AFAP1L2: variants seen among roughly 807,000 people sequenced by gnomAD.
The protein encoded by AFAP1L2 is actin filament associated protein 1 like 2.
A neutral mutation model predicts 99.3 loss-of-function variants in AFAP1L2; 46 were observed. The ratio of observed to expected loss-of-function variants is 0.46; its 90% CI spans 0.37 to 0.59. The LOEUF is 0.59. AFAP1L2 is among the 20% of genes least tolerant of loss of function. The pLI is 0.00. For synonymous variants in AFAP1L2, 397 were observed against 419.1 expected (o/e 0.95, Z 0.64); for missense variants, 959 against 1,034.9 (o/e 0.93, Z 1.01).
chr10:114,382,845 T>A (rs1051763861), intron 1 of AFAP1L2, among the ~76,000 whole-genome samples: 1 of 152,172 alleles, frequency 6.6e-6, no homozygotes, highest in African/African-American at 2.4e-5. Flanking sequence ...TCCGCTCGCC[T>A]CAGCCTCCCA....
intron 1 of AFAP1L2, among the ~76,000 whole-genome samples, chr10:114,375,482 C>G (rs1309912945): frequency 1.3e-5 from 2 of 152,152 alleles, no homozygotes; most frequent in African/African-American, 2.4e-5. Context: ...AATAATAATA[C>G]TTTATTCCAA....
At chr10:114,359,094 T>TA in intron 1 of AFAP1L2, among the ~76,000 whole-genome samples, 1 of 152,214 alleles carries the variant, frequency 6.6e-6, no homozygotes, top group Middle Eastern at 3.4e-3. Flanking sequence ...AAGAAAATGG[T>TA]AAAAAGACTC....
intron 1 of AFAP1L2, among the ~76,000 whole-genome samples, chr10:114,342,898 T>C (rs760988845): frequency 2.0e-5 from 3 of 152,230 alleles, no homozygotes; most frequent in Non-Finnish European, 2.9e-5. Flanking sequence ...AGCTGCAAGC[T>C]CCAAGGACAG....
At chr10:114,300,074 T>A (rs1185870510) in intron 15 of AFAP1L2, 120 bp downstream of exon 15, 2 of 1,383,006 alleles carry the variant, frequency 1.4e-6, no homozygotes, top group South Asian at 2.7e-5. Context: ...TGTGATCGTG[T>A]GAGTCAATTC....
At chr10:114,303,790 C>T (rs955878859) in intron 11 of AFAP1L2, among the ~76,000 whole-genome samples, 1 of 152,208 alleles carries the variant, frequency 6.6e-6, no homozygotes, top group African/African-American at 2.4e-5. Context: ...TTGCCGCCCT[C>T]CCCTGAAAGC....
chr10:114,380,085 A>C (rs546123899), intron 1 of AFAP1L2, among the ~76,000 whole-genome samples: 10 of 152,170 alleles, frequency 6.6e-5, no homozygotes, highest in African/African-American at 2.2e-4. Context: ...CTTCCTTACT[A>C]TCTAGGTTCT....
intron 2 of AFAP1L2, among the ~76,000 whole-genome samples, chr10:114,335,485 C>T (rs1030373515): frequency 1.3e-5 from 2 of 150,370 alleles, no homozygotes; most frequent in Non-Finnish European, 3.0e-5. Context: ...TAGTGGTGGG[C>T]GCCTGTAGTC....
At chr10:114,312,468 T>C (rs1161824976) in intron 7 of AFAP1L2, among the ~76,000 whole-genome samples, 1 of 152,128 alleles carries the variant, frequency 6.6e-6, no homozygotes, top group Admixed American at 6.5e-5. Flanking sequence ...CCCAGAGCTC[T>C]GGGTCCTAAT....
At chr10:114,312,452 C>T (rs985959782) in intron 7 of AFAP1L2, among the ~76,000 whole-genome samples, 3 of 152,038 alleles carry the variant, frequency 2.0e-5, no homozygotes, top group African/African-American at 7.2e-5. Context: ...GGTAAGAAAC[C>T]AACAGCCCAG....
chr10:114,323,613 A>C (rs950855233), intron 4 of AFAP1L2, among the ~76,000 whole-genome samples: 3 of 152,224 alleles, frequency 2.0e-5, no homozygotes, highest in African/African-American at 7.2e-5. Context: ...TGGGATAGCT[A>C]TTGTGGCTTT....
chr10:114,397,927 A>G (rs2057882227), intron 1 of AFAP1L2, among the ~76,000 whole-genome samples: 1 of 152,160 alleles, frequency 6.6e-6, no homozygotes, highest in Admixed American at 6.5e-5. Flanking sequence ...CCTGCTTAGA[A>G]AACAGCAGAA....
intron 18 of AFAP1L2, 99 bp from the exon 19 acceptor site, chr10:114,296,167 A>T: frequency 6.5e-7 from 1 of 1,529,608 alleles, no homozygotes; most frequent in South Asian, 1.1e-5. Flanking sequence ...ATGTGAGAAA[A>T]ACTATTTTAG....
chr10:114,344,593 TG>T (rs2049243657), intron 1 of AFAP1L2, among the ~76,000 whole-genome samples: 1 of 152,190 alleles, frequency 6.6e-6, no homozygotes, highest in Admixed American at 6.5e-5. Flanking sequence ...GGCCTGGCCC[TG>T]GGGAAACAAA....
intron 5 of AFAP1L2, 37 bp from the exon 6 acceptor site, chr10:114,315,802 G>T: frequency 6.3e-7 from 1 of 1,576,730 alleles, no homozygotes; most frequent in Non-Finnish European, 8.6e-7. Flanking sequence ...GCCCCATGGG[G>T]CAGGGGACAG....
At chr10:114,366,708 C>T (rs2053313813) in intron 1 of AFAP1L2, among the ~76,000 whole-genome samples, 1 of 152,188 alleles carries the variant, frequency 6.6e-6, no homozygotes, top group Non-Finnish European at 1.5e-5. Flanking sequence ...TGGCTCACGC[C>T]TGTAATCCCA....
chr10:114,381,037 T>C (rs2055544002), intron 1 of AFAP1L2, among the ~76,000 whole-genome samples: 1 of 152,018 alleles, frequency 6.6e-6, no homozygotes, highest in Non-Finnish European at 1.5e-5. Flanking sequence ...CCAAGAAAAA[T>C]GAAAGCATAT....
At chr10:114,393,071 C>T (rs2057324289) in intron 1 of AFAP1L2, among the ~76,000 whole-genome samples, 1 of 152,148 alleles carries the variant, frequency 6.6e-6, no homozygotes, top group South Asian at 2.1e-4. Context: ...CTTAGGGCTG[C>T]AAGGAGAGGA....
chr10:114,366,542 G>A (rs2053279329), intron 1 of AFAP1L2, among the ~76,000 whole-genome samples: 1 of 152,236 alleles, frequency 6.6e-6, no homozygotes, highest in Non-Finnish European at 1.5e-5. Context: ...TAAAGAATAT[G>A]AAATGGAGCT....
At chr10:114,358,557 T>C (rs2051731177) in intron 1 of AFAP1L2, among the ~76,000 whole-genome samples, 1 of 152,158 alleles carries the variant, frequency 6.6e-6, no homozygotes, top group African/African-American at 2.4e-5. Context: ...CATTTTCTTC[T>C]TTCAATGACA....
Sources: gnomAD v4.1 joint callset for allele counts (sites outside exome capture counted in the v4.1 genomes callset) on GRCh38, gnomAD v4.1.1 for gene constraint, MANE v1.5 for transcripts, NCBI Gene and HGNC (gene_info 2026-07-23, HGNC 2026-07-21) for gene names.